CELA3B: variants seen among roughly 807,000 people sequenced by gnomAD.
The protein encoded by CELA3B is chymotrypsin like elastase 3B.
A neutral mutation model predicts 37.2 loss-of-function variants in CELA3B; 34 were observed. That is an observed-to-expected ratio of 0.91 (90% confidence interval 0.70 to 1.22). The LOEUF (loss-of-function observed/expected upper bound fraction) is 1.22. CELA3B is among the 50% of genes most tolerant of loss of function. The pLI is 0.00. For synonymous variants in CELA3B, 127 were observed against 143.5 expected (o/e 0.89, Z 0.82); for missense variants, 340 against 363.1 (o/e 0.94, Z 0.52).
chr1:21,994,319 G>C (rs995997396), downstream of CELA3B, among the ~76,000 whole-genome samples: 2 of 150,752 alleles, frequency 1.3e-5, no homozygotes, highest in African/African-American at 2.5e-5. Context: ...GCTCCCACCA[G>C]ACATGCCTGG....
chr1:21,997,102 G>A (rs1282034841), intron 4 of CELA3B, among the ~76,000 whole-genome samples: 1 of 151,328 alleles, frequency 6.6e-6, no homozygotes, highest in Non-Finnish European at 1.5e-5. Context: ...GCTCACGCCT[G>A]TAATCCTGGC....
In CELA3B at chr1:21,981,804, C is replaced by T. The variant is rs113192365; in HGVS notation, c.362+632C>T. Among the ~76,000 whole-genome samples, 86 of 151,850 alleles carry T rather than the reference C, an allele frequency of 5.7e-4. 3 individuals carry two copies. Among genetic ancestry groups the T allele is most frequent in the African/African-American group, 2.0e-3 (82 of 41,380 alleles). ...ACAGTGGCACGATCTCGGCTCACTG[C>T]AAGCTCTGCCTCCCGGGTTCACACC... is the stretch of plus-strand genomic sequence containing the variant. On this transcript the variant is annotated intron_variant, in intron 4 of 7. Transcript: ENST00000337107.
chr1:21,991,424 C>T (rs1438719351), downstream of CELA3B, among the ~76,000 whole-genome samples: 1 of 149,546 alleles, frequency 6.7e-6, no homozygotes, highest in East Asian at 2.0e-4. Flanking sequence ...CAACCTCTGC[C>T]TCCCGGGTTC....
rs192337581 is a variant in CELA3B at position 21,995,664 on chromosome 1, G to A, written c.505-2487G>A. On this transcript the variant is annotated intron_variant, in intron 4 of 4. Coordinates refer to the CELA3B transcript ENST00000400277. ...CATTTCATGCTCTATTTTTAGATTG[G>A]TGTAAAAGCGTAATTGCAGTTTTTG... 2.9e-3 allele frequency among the ~76,000 whole-genome samples: 431 copies of A among 150,412 alleles called. 8 individuals are homozygous for A. The highest frequency in any genetic ancestry group is 4.2e-3 in the Non-Finnish European group (285 of 67,764).
intron 1 of CELA3B, 123 bp from the exon 2 acceptor site, chr1:21,978,246 G>A (rs775787739): frequency 6.5e-5 from 59 of 912,792 alleles, no homozygotes; most frequent in Non-Finnish European, 9.7e-5. Flanking sequence ...GAGGTCCAGA[G>A]GGCGAAAGGG....
downstream of CELA3B, among the ~76,000 whole-genome samples, chr1:21,993,045 T>C (rs753058292): frequency 6.1e-4 from 92 of 151,302 alleles, no homozygotes; most frequent in Non-Finnish European, 1.2e-3. Flanking sequence ...GGTGTCCTGA[T>C]ACCACATCAC....
intron 4 of CELA3B, among the ~76,000 whole-genome samples, chr1:21,995,000 CAAAAAAAAAA>C (rs61509449): frequency 1.9e-5 from 1 of 54,010 alleles, no homozygotes; most frequent in Admixed American, 2.6e-4. Context: ...AGACTTGTCT[CAAAAAAAAAA>C]AAAAAAAAAA....
chr1:21,977,163 C>A, intron 1 of CELA3B, 81 bp downstream of exon 1: 1 of 1,592,738 alleles, frequency 6.3e-7, no homozygotes, highest in African/African-American at 1.3e-5. Context: ...CTCTAAGTCC[C>A]ATGACACCCT....
intron 6 of CELA3B, among the ~76,000 whole-genome samples, chr1:21,985,579 G>T (rs1195151526): frequency 6.7e-6 from 1 of 149,880 alleles, no homozygotes; most frequent in East Asian, 2.0e-4. Context: ...TCCTGGACTA[G>T]ACCTTGTCTG....
At chr1:21,984,167 T>C in intron 5 of CELA3B, 22 bp from the exon 6 acceptor site, 1 of 1,608,870 alleles carries the variant, frequency 6.2e-7, no homozygotes, top group Non-Finnish European at 8.5e-7. Flanking sequence ...GACCCCTGAC[T>C]CGGTGCTTTT....
chr1:21,994,225 A>T (rs182952929), downstream of CELA3B, among the ~76,000 whole-genome samples: 1 of 150,288 alleles, frequency 6.7e-6, no homozygotes, highest in Non-Finnish European at 1.5e-5. Flanking sequence ...TCCCACTTCC[A>T]GTGGGAGATT....
At chr1:21,987,020 A>C in intron 7 of CELA3B, 1 of 387,526 alleles carries the variant, frequency 2.6e-6, no homozygotes, top group Non-Finnish European at 5.2e-6. Flanking sequence ...AGGTGATTAC[A>C]TGAATGAGAA....
At chr1:21,985,280 C>CTT (rs550752207) in intron 6 of CELA3B, among the ~76,000 whole-genome samples, 94,761 of 145,550 alleles carry the variant, frequency 0.65, 36,702 homozygotes, top group Non-Finnish European at 0.85. Context: ...AAGATGTTGT[C>CTT]TTTTTTTTTT....
At chr1:21,988,964 C>T (rs1221782581) in intron 7 of CELA3B, among the ~76,000 whole-genome samples, 10 of 151,740 alleles carry the variant, frequency 6.6e-5, no homozygotes, top group African/African-American at 2.4e-4. Flanking sequence ...TATACACACA[C>T]AGACGTATAT....
intron 1 of CELA3B, among the ~76,000 whole-genome samples, chr1:21,977,666 C>A (rs1450830732): frequency 6.6e-6 from 1 of 152,148 alleles, no homozygotes; most frequent in Middle Eastern, 3.2e-3. Context: ...TTTTACCGAC[C>A]CTCAAGGAAG....
chr1:21,996,507 C>G (rs1386180774), intron 4 of CELA3B, among the ~76,000 whole-genome samples: 1 of 151,072 alleles, frequency 6.6e-6, no homozygotes, highest in Non-Finnish European at 1.5e-5. Context: ...ATAATCCACC[C>G]CTTGTTTAGC....
intron 7 of CELA3B, chr1:21,987,120 T>C (rs1205185168): frequency 9.9e-6 from 3 of 302,360 alleles, no homozygotes; most frequent in Non-Finnish European, 2.0e-5. Context: ...ATAACACTCC[T>C]GATAACAGTA....
At chr1:21,981,012 C>A in intron 3 of CELA3B, 26 bp from the exon 4 acceptor site, 1 of 1,614,136 alleles carries the variant, frequency 6.2e-7, no homozygotes, top group Non-Finnish European at 8.5e-7. Context: ...CAGTCAGGCC[C>A]AGACTGACCT....
Position 21,981,040 on chromosome 1 carries a change from G to T in CELA3B, c.230G>T (p.Ser77Ile). 6.2e-7 allele frequency: 1 copy of T among 1,614,116 alleles called. No homozygotes were observed. Among genetic ancestry groups the T allele is most frequent in the Non-Finnish European group, 8.5e-7 (1 of 1,180,004 alleles). The change falls in exon 4 of 8, where the codon AGC (serine) becomes ATC (isoleucine). Residue 77 changes from serine to isoleucine, a missense_variant and splice_region_variant. Transcript: ENST00000337107. ...ACTGACCTCACCTCCGCCCGCAGGA[G>T]CTCCCGGACCTACCAGGTGGTGTTG... is the stretch of plus-strand genomic sequence containing the variant. ...WVVTAGHCIS[S>I]SRTYQVVLGE... is the part of the protein sequence containing the mutation.
Sources: allele counts gnomAD v4.1 joint callset (sites outside exome capture counted in the v4.1 genomes callset), GRCh38; gene constraint gnomAD v4.1.1; transcripts MANE v1.5; gene names NCBI Gene and HGNC (gene_info 2026-07-23, HGNC 2026-07-21).